The following DNAJB5 variants were observed in gnomAD, a reference collection of about 807,000 sequenced individuals.
DNAJB5 encodes DnaJ heat shock protein family (Hsp40) member B5.
DNAJB5 carries 12 observed loss-of-function variants against 32.6 expected under a neutral mutation model. The observed-to-expected ratio is 0.37, with a 90% CI of 0.24 to 0.60. DNAJB5 has a LOEUF of 0.60. DNAJB5 is among the 20% of genes least tolerant of loss of function. DNAJB5 has a pLI of 0.71. For synonymous variants in DNAJB5, 188 were observed against 212.9 expected (o/e 0.88, Z 1.02); for missense variants, 358 against 554.2 (o/e 0.65, Z 3.55).
chr9:34,995,696 G>C lies in DNAJB5; in HGVS notation c.428-569G>C, dbSNP rs28374769. ...CTAATGAGCTTTCCCACTTTTTAAG[G>C]CTTCCTGATTTCCCGTTTGAGCAGG... On this transcript the variant is annotated intron_variant, in intron 3 of 4. Transcript: ENST00000682809. Among the ~76,000 whole-genome samples the C allele has an allele frequency of 9.1e-3, 1,393 of 152,252 alleles. 21 individuals are homozygous for C. The highest frequency in any genetic ancestry group is 0.031 in the African/African-American group (1,287 of 41,536).
chr9:34,998,731 T>C (rs939641093), downstream of DNAJB5: 1 of 152,052 alleles, frequency 6.6e-6, no homozygotes, highest in Admixed American at 6.5e-5. Context: ...ACAGATTTTC[T>C]CTTCTTGTCT....
chr9:34,996,883 C>CTG lies in DNAJB5; in HGVS notation c.1029+28_1029+29dup, dbSNP rs201718123. On this transcript the variant is annotated intron_variant, in intron 4 of 4. Coordinates refer to ENST00000682809, the MANE Select transcript of DNAJB5 (RefSeq NM_001349723.3). This position sits in a 1 kb window ranked among gnomAD's most constrained non-coding sequence, Gnocchi z 7.2. The stretch of plus-strand genomic sequence containing the variant: ...CTCAAGGAGGTGGGGCCTAGTCAGG[C>CTG]TGTGTGTGTGTGCTGGGGAGATGGT... 8 of 1,596,504 alleles carry CTG rather than the reference C, an allele frequency of 5.0e-6. No homozygotes were observed. The highest frequency in any genetic ancestry group is 2.2e-5 in the East Asian group (1 of 44,742).
Position 34,996,928 on chromosome 9 carries a change from C to T in DNAJB5, c.1029+62C>T, listed in dbSNP as rs1827815051. 1 of 1,585,188 alleles carries T rather than the reference C, an allele frequency of 6.3e-7. No individual in the cohort carries two copies. Among genetic ancestry groups the T allele is most frequent in the Non-Finnish European group, 8.6e-7 (1 of 1,167,736 alleles). On this transcript the variant is annotated intron_variant, in intron 4 of 4. Coordinates refer to ENST00000682809, the MANE Select transcript of DNAJB5 (RefSeq NM_001349723.3). This position sits in a 1 kb window ranked among gnomAD's most constrained non-coding sequence, Gnocchi z 7.2. ...GATGGTGGGGACATTCCCTCTCTTC[C>T]CGCCAGCTGGCACATTCTTTCCCCA... is the stretch of plus-strand genomic sequence containing the variant.
At chr9:34,994,666 A>G (rs1417751310) in intron 3 of DNAJB5, among the ~76,000 whole-genome samples, 3 of 152,200 alleles carry the variant, frequency 2.0e-5, no homozygotes, top group African/African-American at 7.2e-5. Context: ...GAAAGAAGGC[A>G]GGAGCTGGGA....
Position 34,997,469 on chromosome 9 carries a change from G to A in DNAJB5, c.*210G>A. The A allele has an allele frequency of 1.4e-6, 1 of 695,136 alleles. No homozygotes were observed. Among genetic ancestry groups the A allele is most frequent in the African/African-American group, 1.7e-5 (1 of 57,168 alleles). The allele number at this position is 695,136 out of a possible 1,614,324, so 43.1% of individuals were successfully genotyped here. On this transcript the variant is annotated 3_prime_UTR_variant, in exon 5 of 5. Transcript: ENST00000682809. This position sits in a 1 kb window ranked among gnomAD's most constrained non-coding sequence, Gnocchi z 4.1. Reference sequence around the variant, plus strand: ...AGTGGGAGGGAGGTGGGGAGAGCTAGCCCAGGCCAGGGGTCAATGTTCATG... The same window carrying A: ...AGTGGGAGGGAGGTGGGGAGAGCTAACCCAGGCCAGGGGTCAATGTTCATG...
At position 34,990,287 on chromosome 9, in the gene DNAJB5, C is replaced by A; in HGVS notation, c.-132-212C>A. 7.1e-7 allele frequency: 1 copy of A among 1,404,324 alleles called. No homozygotes were observed. The highest frequency in any genetic ancestry group is 9.4e-7 in the Non-Finnish European group (1 of 1,065,516). The allele number at this position is 1,404,324 out of a possible 1,614,324, so 87.0% of individuals were successfully genotyped here. On this transcript the variant is annotated intron_variant, in intron 1 of 4. Transcript: ENST00000682809. The surrounding 1 kb of genome is among the most constrained non-coding windows in gnomAD (Gnocchi z 4.5). Reference sequence around the variant, plus strand: ...TCTTGGGGATTGGGGTCGGGTCCTCCCCAGTGAGAGGCGACAGGAGCTCAC... The same window carrying A: ...TCTTGGGGATTGGGGTCGGGTCCTCACCAGTGAGAGGCGACAGGAGCTCAC...
Position 34,996,883 on chromosome 9 carries a change from CTGTG to C in DNAJB5, c.1029+26_1029+29del, listed in dbSNP as rs201718123. On this transcript the variant is annotated intron_variant, in intron 4 of 4. Transcript: ENST00000682809. This position sits in a 1 kb window ranked among gnomAD's most constrained non-coding sequence, Gnocchi z 7.2. Reference sequence around the variant, plus strand: ...CTCAAGGAGGTGGGGCCTAGTCAGGCTGTGTGTGTGTGCTGGGGAGATGGTGGGG... The same window carrying C: ...CTCAAGGAGGTGGGGCCTAGTCAGGCTGTGTGTGCTGGGGAGATGGTGGGG... 112 of 1,596,514 alleles carry C rather than the reference CTGTG, an allele frequency of 7.0e-5. No individual in the cohort carries two copies. In the Admixed American group the frequency reaches 1.9e-3, roughly 27 times the overall value.
Position 34,997,459 on chromosome 9 carries a change from G to T in DNAJB5, c.*200G>T, listed in dbSNP as rs1827834224. ...GCCTGGGGGGAGTGGGAGGGAGGTG[G>T]GGAGAGCTAGCCCAGGCCAGGGGTC... On this transcript the variant is annotated 3_prime_UTR_variant, in exon 5 of 5. Coordinates refer to ENST00000682809, the MANE Select transcript of DNAJB5 (RefSeq NM_001349723.3). This position sits in a 1 kb window ranked among gnomAD's most constrained non-coding sequence, Gnocchi z 4.1. The T allele has an allele frequency of 1.4e-6, 1 of 707,942 alleles. No homozygotes were observed. Among genetic ancestry groups the T allele is most frequent in the African/African-American group, 1.7e-5 (1 of 57,308 alleles). 43.9% of individuals were successfully genotyped at this position (707,942 alleles called of 1,614,324 possible).
chr9:34,994,670 G>A (rs1288137787), intron 3 of DNAJB5, among the ~76,000 whole-genome samples: 2 of 152,188 alleles, frequency 1.3e-5, no homozygotes, highest in South Asian at 4.1e-4. Context: ...GAAGGCAGGA[G>A]CTGGGAGAGC....
At position 34,996,900 on chromosome 9, in the gene DNAJB5, G is replaced by T; in HGVS notation, c.1029+34G>T. 6.3e-7 allele frequency: 1 copy of T among 1,589,116 alleles called. No homozygotes were observed. The highest frequency in any genetic ancestry group is 8.6e-7 in the Non-Finnish European group (1 of 1,168,632). On this transcript the variant is annotated intron_variant, in intron 4 of 4. Transcript: ENST00000682809. This position sits in a 1 kb window ranked among gnomAD's most constrained non-coding sequence, Gnocchi z 7.2. Reference sequence around the variant, plus strand: ...TAGTCAGGCTGTGTGTGTGTGCTGGGGAGATGGTGGGGACATTCCCTCTCT... The same window carrying T: ...TAGTCAGGCTGTGTGTGTGTGCTGGTGAGATGGTGGGGACATTCCCTCTCT...
Position 34,989,838 on chromosome 9 carries a change from G to C in DNAJB5, c.-133+7G>C. The C allele has an allele frequency of 8.1e-7, 1 of 1,234,474 alleles. No homozygotes were observed. The highest frequency in any genetic ancestry group is 1.0e-6 in the Non-Finnish European group (1 of 989,436). 76.5% of individuals were successfully genotyped at this position (1,234,474 alleles called of 1,614,324 possible). On this transcript the variant is annotated splice_region_variant and intron_variant, in intron 1 of 4. Transcript: ENST00000682809. The stretch of plus-strand genomic sequence containing the variant: ...CGCCCGCAGCTCCTCACCGGTGAGG[G>C]CGCCAAGCCAGGACTCGGGGGTCCC...
At chr9:34,992,669 C>G (rs1249332236) in intron 2 of DNAJB5, 1 of 490,242 alleles carries the variant, frequency 2.0e-6, no homozygotes, top group East Asian at 1.5e-4. Flanking sequence ...ACTCCAGACA[C>G]CCATTCCCTG....
chr9:34,990,365 C>G lies in DNAJB5; in HGVS notation c.-132-134C>G. On this transcript the variant is annotated intron_variant, in intron 1 of 4. Coordinates refer to ENST00000682809, the MANE Select transcript of DNAJB5 (RefSeq NM_001349723.3). This position sits in a 1 kb window ranked among gnomAD's most constrained non-coding sequence, Gnocchi z 4.5. ...TGTCACAGGTATACACGCTGCCACT[C>G]ACAAACACACGCTTGCACTCCCAGC... 1 of 1,507,230 alleles carries G rather than the reference C, an allele frequency of 6.6e-7. No individual in the cohort carries two copies. Among genetic ancestry groups the G allele is most frequent in the Non-Finnish European group, 8.9e-7 (1 of 1,129,650 alleles). The allele number at this position is 1,507,230 out of a possible 1,614,324, so 93.4% of individuals were successfully genotyped here.
rs935078831 is a variant in DNAJB5, at chr9:34,996,122, C to T, written c.428-143C>T. 6 of 1,066,510 alleles carry T rather than the reference C, an allele frequency of 5.6e-6. No homozygotes were observed. Among genetic ancestry groups the T allele is most frequent in the Non-Finnish European group, 7.9e-6 (6 of 762,202 alleles). 66.1% of individuals were successfully genotyped at this position (1,066,510 alleles called of 1,614,324 possible). On this transcript the variant is annotated intron_variant, in intron 3 of 4. Coordinates refer to ENST00000682809, the MANE Select transcript of DNAJB5 (RefSeq NM_001349723.3). The surrounding 1 kb of genome is among the most constrained non-coding windows in gnomAD (Gnocchi z 7.2). ...ATAATCTTGCCAGAAGCCTTTCTTACTCTATTAGCCTGGCCCTCTCTGTGG... is the reference window on the plus strand; with the variant it reads ...ATAATCTTGCCAGAAGCCTTTCTTATTCTATTAGCCTGGCCCTCTCTGTGG...
chr9:34,993,104 G>T lies in DNAJB5; in HGVS notation c.183-96G>T. The T allele has an allele frequency of 6.8e-7, 1 of 1,477,180 alleles. No homozygotes were observed. Among genetic ancestry groups the T allele is most frequent in the Non-Finnish European group, 8.9e-7 (1 of 1,118,350 alleles). The allele number at this position is 1,477,180 out of a possible 1,614,324, so 91.5% of individuals were successfully genotyped here. A position where few individuals can be genotyped will look rare whatever the true frequency, so the allele number is the denominator to read the frequency against. ...CACAGAACAGGCATGACCTGCTGAA[G>T]GTTACCCAGGGAGTCATTTAGGGAT... On this transcript the variant is annotated intron_variant, in intron 2 of 4. Transcript: ENST00000682809. The surrounding 1 kb of genome is among the most constrained non-coding windows in gnomAD (Gnocchi z 4.7).
At position 34,996,156 on chromosome 9, in the gene DNAJB5, G is replaced by C; in HGVS notation, c.428-109G>C. 7.0e-7 allele frequency: 1 copy of C among 1,432,898 alleles called. No homozygotes were observed. The highest frequency in any genetic ancestry group is 9.3e-7 in the Non-Finnish European group (1 of 1,075,968). 88.8% of individuals were successfully genotyped at this position (1,432,898 alleles called of 1,614,324 possible). A position where few individuals can be genotyped will look rare whatever the true frequency, so the allele number is the denominator to read the frequency against. The stretch of plus-strand genomic sequence containing the variant: ...CCTGGCCCTCTCTGTGGGATTTAAA[G>C]GTTGCTTCTTTCTTTAAGCCTGTGA... On this transcript the variant is annotated intron_variant, in intron 3 of 4. Transcript: ENST00000682809. This position sits in a 1 kb window ranked among gnomAD's most constrained non-coding sequence, Gnocchi z 7.2.
chr9:34,993,329 C>T lies in DNAJB5; in HGVS notation c.312C>T (p.His104=), dbSNP rs1199608096. The T allele has an allele frequency of 1.2e-6, 2 of 1,614,006 alleles. No individual in the cohort carries two copies. The highest frequency in any genetic ancestry group is 1.7e-5 in the Admixed American group (1 of 60,000). Residue 104 remains histidine, a synonymous_variant, in exon 3 of 5, where the codon CAC becomes CAT. Coordinates refer to ENST00000682809, the MANE Select transcript of DNAJB5 (RefSeq NM_001349723.3). The surrounding 1 kb of genome is among the most constrained non-coding windows in gnomAD (Gnocchi z 4.7). The part of the protein sequence containing the change: ...KAYRKMALKY[H]PDKNKEPNAE... ...ACCGGAAGATGGCCTTGAAGTACCA[C>T]CCAGACAAGAATAAAGAACCCAACG...
In DNAJB5 at chr9:34,996,933, A is replaced by C; in HGVS notation, c.1029+67A>C. On this transcript the variant is annotated intron_variant, in intron 4 of 4. Coordinates refer to ENST00000682809, the MANE Select transcript of DNAJB5 (RefSeq NM_001349723.3). The surrounding 1 kb of genome is among the most constrained non-coding windows in gnomAD (Gnocchi z 7.2). Reference sequence around the variant, plus strand: ...TGGGGACATTCCCTCTCTTCCCGCCAGCTGGCACATTCTTTCCCCACCTCA... The same window carrying C: ...TGGGGACATTCCCTCTCTTCCCGCCCGCTGGCACATTCTTTCCCCACCTCA... 3 of 1,586,944 alleles carry C rather than the reference A, an allele frequency of 1.9e-6. No individual in the cohort carries two copies. The highest frequency in any genetic ancestry group is 2.6e-6 in the Non-Finnish European group (3 of 1,168,552).
At position 34,990,001 on chromosome 9, in the gene DNAJB5, T is replaced by G. The variant is rs1266871158; in HGVS notation, c.-133+170T>G. ...GGAGTCCTAGACCAGGGCTTGGCTGTCACAGGGGGCAGCCAGCGTCTGAGT... is the reference window on the plus strand; with the variant it reads ...GGAGTCCTAGACCAGGGCTTGGCTGGCACAGGGGGCAGCCAGCGTCTGAGT... On this transcript the variant is annotated intron_variant, in intron 1 of 4. Coordinates refer to ENST00000682809, the MANE Select transcript of DNAJB5 (RefSeq NM_001349723.3). The surrounding 1 kb of genome is among the most constrained non-coding windows in gnomAD (Gnocchi z 4.5). Among the ~76,000 whole-genome samples the G allele has an allele frequency of 7.1e-6, 1 of 140,900 alleles. No individual in the cohort carries two copies. Among genetic ancestry groups the G allele is most frequent in the Admixed American group, 7.0e-5 (1 of 14,296 alleles). 92.4% of individuals were successfully genotyped at this position (140,900 alleles called of 152,430 possible). A position where few individuals can be genotyped will look rare whatever the true frequency, so the allele number is the denominator to read the frequency against.
Sources: allele counts gnomAD v4.1 joint callset (sites outside exome capture counted in the v4.1 genomes callset), GRCh38; gene constraint gnomAD v4.1.1; non-coding constraint Gnocchi (gnomAD v3.1); transcripts MANE v1.5; gene names NCBI Gene and HGNC (gene_info 2026-07-23, HGNC 2026-07-21).